The following RPRD1A variants were observed in gnomAD, a reference collection of about 807,000 sequenced individuals.
RPRD1A encodes regulation of nuclear pre-mRNA domain containing 1A, also known as regulation of nuclear pre-mRNA domain-containing protein 1A.
RPRD1A carries 9 observed loss-of-function variants against 37.8 expected under a neutral mutation model. That is an observed-to-expected ratio of 0.24 (90% CI 0.14 to 0.42). The LOEUF is 0.42. Among genes scored for constraint, RPRD1A ranks in the 10% least tolerant of loss-of-function variants. The pLI is 1.00. For missense variants in RPRD1A, 255 were observed against 371.0 expected, an observed-to-expected ratio of 0.69 and a Z score of 2.57; for synonymous variants, 138 against 139.7, an observed-to-expected ratio of 0.99 and a Z score of 0.08.
intron 6 of RPRD1A, among the ~76,000 whole-genome samples, chr18:36,005,570 C>A (rs1265387598): frequency 1.3e-5 from 2 of 152,090 alleles, no homozygotes; most frequent in African/African-American, 2.4e-5. Context: ...TTAAAGTACC[C>A]AGAAGTATCC....
intron 1 of RPRD1A, among the ~76,000 whole-genome samples, chr18:36,045,823 ATTAGACAAATTC>A (rs1912916074): frequency 6.6e-6 from 1 of 152,228 alleles, no homozygotes. Context: ...GCCAAATGAA[ATTAGACAAATTC>A]TAAAATCCAT....
At chr18:36,003,822 A>G (rs987257083) in intron 6 of RPRD1A, among the ~76,000 whole-genome samples, 9 of 151,982 alleles carry the variant, frequency 5.9e-5, no homozygotes, top group Non-Finnish European at 1.3e-4. Flanking sequence ...TTTTTAAGAA[A>G]AAGTCTCACT....
chr18:36,027,108 C>A (rs1911425041), intron 5 of RPRD1A, 33 bp from the exon 6 acceptor site: 1 of 1,611,882 alleles, frequency 6.2e-7, no homozygotes, highest in African/African-American at 1.3e-5. Context: ...AAATATTATA[C>A]AACAAAAACA....
intron 6 of RPRD1A, among the ~76,000 whole-genome samples, chr18:35,998,151 G>A (rs1391615380): frequency 1.3e-5 from 2 of 152,122 alleles, no homozygotes; most frequent in African/African-American, 2.4e-5. Context: ...CTGAGGTCAC[G>A]AGTTCAAGAC....
intron 6 of RPRD1A, among the ~76,000 whole-genome samples, chr18:35,993,537 T>C (rs761932853): frequency 2.0e-5 from 3 of 152,226 alleles, no homozygotes; most frequent in Non-Finnish European, 2.9e-5. Context: ...GAAAGAAGAC[T>C]AACATTAATG....
intron 6 of RPRD1A, among the ~76,000 whole-genome samples, chr18:36,003,701 CTT>C (rs990405143): frequency 2.0e-4 from 30 of 152,328 alleles, no homozygotes; most frequent in African/African-American, 6.5e-4. Context: ...ATATTCTGCT[CTT>C]TGATATAATT....
chr18:36,062,473 A>T (rs2088935434), intron 1 of RPRD1A, among the ~76,000 whole-genome samples: 1 of 152,076 alleles, frequency 6.6e-6, no homozygotes, highest in South Asian at 2.1e-4. Flanking sequence ...CAAAAAAAAA[A>T]AGCTTGTACA....
chr18:35,991,839 G>C lies in RPRD1A; in HGVS notation c.*1312C>G, dbSNP rs1568107672. On this transcript the variant is annotated 3_prime_UTR_variant, in exon 7 of 7. Coordinates refer to ENST00000399022, the MANE Select transcript of RPRD1A (RefSeq NM_018170.5). ...ACAATGAAGCCATTCAGACTAGAGA[G>C]ACATAATTGGCTTGTGGGATTTTCA... 1 of 152,282 alleles carries C rather than the reference G, an allele frequency of 6.6e-6. No individual in the cohort carries two copies. The allele number at this position is 152,282 out of a possible 1,614,324, so 9.4% of individuals were successfully genotyped here.
At chr18:36,067,163 G>A (rs761901668) in intron 1 of RPRD1A, 91 bp downstream of exon 1, 13 of 1,407,360 alleles carry the variant, frequency 9.2e-6, no homozygotes, top group Non-Finnish European at 1.2e-5. Flanking sequence ...CCGACGCCGG[G>A]AAGCCGGGGG....
intron 6 of RPRD1A, among the ~76,000 whole-genome samples, chr18:36,002,954 AGTGG>A (rs1198781363): frequency 6.6e-6 from 1 of 152,228 alleles, no homozygotes; most frequent in Non-Finnish European, 1.5e-5. Context: ...TAAATGGCAG[AGTGG>A]TCTTGTCACC....
chr18:36,058,582 C>A (rs373194678), intron 1 of RPRD1A, among the ~76,000 whole-genome samples: 1 of 152,000 alleles, frequency 6.6e-6, no homozygotes, highest in East Asian at 1.9e-4. Context: ...ACGTTACGGG[C>A]CAAAGGGAAA....
At chr18:36,053,149 C>T (rs746438864) in intron 1 of RPRD1A, among the ~76,000 whole-genome samples, 3 of 152,092 alleles carry the variant, frequency 2.0e-5, no homozygotes, top group Admixed American at 1.3e-4. Flanking sequence ...CATTAAAGTA[C>T]AAGATACTTA....
At chr18:36,007,583 G>T (rs1909825459) in intron 6 of RPRD1A, among the ~76,000 whole-genome samples, 1 of 152,116 alleles carries the variant, frequency 6.6e-6, no homozygotes, top group African/African-American at 2.4e-5. Context: ...AGATTTAAGG[G>T]AAGTTGATAA....
intron 1 of RPRD1A, among the ~76,000 whole-genome samples, chr18:36,050,156 A>C (rs1392779517): frequency 6.6e-6 from 1 of 152,106 alleles, no homozygotes; most frequent in Admixed American, 6.5e-5. Context: ...TCTGGAGATA[A>C]TGATGAGTGC....
At chr18:36,013,172 T>C (rs918475544) in intron 6 of RPRD1A, among the ~76,000 whole-genome samples, 1 of 152,160 alleles carries the variant, frequency 6.6e-6, no homozygotes, top group Non-Finnish European at 1.5e-5. Flanking sequence ...ATCTGTGAAC[T>C]AGCCAAGCAA....
rs1909277523 is a variant in RPRD1A at position 35,999,271 on chromosome 18, T to C, written c.790-5971A>G. Among the ~76,000 whole-genome samples the C allele has an allele frequency of 2.0e-5, 3 of 152,202 alleles. No homozygotes were observed. The South Asian group carries it at 6.2e-4, about 31-fold the overall frequency. On this transcript the variant is annotated intron_variant, in intron 6 of 6. Transcript: ENST00000399022. ...TGGAGTACTGTTTCCTCAATCTACT[T>C]CCTATGTAAACCTGGACAAGGGCTC... is the stretch of plus-strand genomic sequence containing the variant.
intron 6 of RPRD1A, among the ~76,000 whole-genome samples, chr18:36,000,990 C>G (rs1264539994): frequency 6.6e-6 from 1 of 152,144 alleles, no homozygotes; most frequent in Non-Finnish European, 1.5e-5. Context: ...AACTCAAAAT[C>G]CAATAAGGAA....
chr18:36,007,909 G>A (rs1328187731), intron 6 of RPRD1A, among the ~76,000 whole-genome samples: 1 of 152,122 alleles, frequency 6.6e-6, no homozygotes, highest in African/African-American at 2.4e-5. Context: ...CTGCACTACA[G>A]CCTGGGCGAC....
chr18:36,033,174 C>T (rs1036932474), intron 2 of RPRD1A, among the ~76,000 whole-genome samples: 1 of 151,702 alleles, frequency 6.6e-6, no homozygotes, highest in Non-Finnish European at 1.5e-5. Context: ...TGGTGGCAGG[C>T]ACCTGTAATT....
Sources: gnomAD v4.1 joint callset for allele counts (sites outside exome capture counted in the v4.1 genomes callset) on GRCh38, gnomAD v4.1.1 for gene constraint, MANE v1.5 for transcripts, NCBI Gene and HGNC (gene_info 2026-07-23, HGNC 2026-07-21) for gene names.